The following DYNC1I1 variants were observed in gnomAD, a reference collection of about 807,000 sequenced individuals.
The protein encoded by DYNC1I1 is cytoplasmic dynein 1 intermediate chain 1.
A neutral mutation model predicts 86.6 loss-of-function variants in DYNC1I1; 43 were observed. The ratio of observed to expected loss-of-function variants is 0.50; its 90% CI spans 0.39 to 0.64. The LOEUF (loss-of-function observed/expected upper bound fraction) is 0.64, where lower values mean the gene tolerates loss of function less well. Among genes scored for constraint, DYNC1I1 ranks in the 30% least tolerant of loss-of-function variants. The pLI, the probability that DYNC1I1 is intolerant of heterozygous loss-of-function variation, is 0.00. For synonymous variants in DYNC1I1, 262 were observed against 283.7 expected, an observed-to-expected ratio of 0.92 and a Z score of 0.77; for missense variants, 604 against 788.8, an observed-to-expected ratio of 0.77 and a Z score of 2.81.
At chr7:96,079,237 C>G (rs1790438524) in intron 15 of DYNC1I1, among the ~76,000 whole-genome samples, 2 of 152,094 alleles carry the variant, frequency 1.3e-5, no homozygotes, top group Admixed American at 1.3e-4. Flanking sequence ...TGCTAAGCCA[C>G]AGTACATGTT....
At chr7:95,829,188 G>A (rs796338834) in intron 5 of DYNC1I1, among the ~76,000 whole-genome samples, 4 of 151,990 alleles carry the variant, frequency 2.6e-5, no homozygotes, top group African/African-American at 9.7e-5. Context: ...CTGAGGTTCT[G>A]TCAGTTTCAA....
intron 6 of DYNC1I1, among the ~76,000 whole-genome samples, chr7:95,907,068 C>T (rs1439504077): frequency 6.6e-6 from 1 of 152,186 alleles, no homozygotes; most frequent in Non-Finnish European, 1.5e-5. Flanking sequence ...AGCAGCTGTG[C>T]TTTCTCAGCT....
At chr7:95,955,160 G>A (rs1792676420) in intron 6 of DYNC1I1, among the ~76,000 whole-genome samples, 1 of 152,112 alleles carries the variant, frequency 6.6e-6, no homozygotes, top group African/African-American at 2.4e-5. Context: ...TGATAAGTAT[G>A]TGAGGTGATG....
chr7:96,017,174 C>T (rs1279376650), intron 10 of DYNC1I1, among the ~76,000 whole-genome samples: 2 of 152,190 alleles, frequency 1.3e-5, no homozygotes, highest in African/African-American at 4.8e-5. Flanking sequence ...TGGATGTCAA[C>T]ACACACCATA....
intron 9 of DYNC1I1, among the ~76,000 whole-genome samples, chr7:95,990,432 T>G (rs1266422553): frequency 6.6e-6 from 1 of 152,144 alleles, no homozygotes; most frequent in African/African-American, 2.4e-5. Context: ...GCAAAAAGAT[T>G]ACTATTGACA....
At chr7:95,925,375 T>C (rs1311974216) in intron 6 of DYNC1I1, among the ~76,000 whole-genome samples, 1 of 152,200 alleles carries the variant, frequency 6.6e-6, no homozygotes, top group Non-Finnish European at 1.5e-5. Flanking sequence ...TTGGAAATGA[T>C]TGAGGCATTG....
chr7:96,055,404 A>G (rs941229412), intron 14 of DYNC1I1, among the ~76,000 whole-genome samples: 1 of 152,214 alleles, frequency 6.6e-6, no homozygotes, highest in African/African-American at 2.4e-5. Flanking sequence ...AACTTAAAGT[A>G]TAATAAAAAA....
intron 10 of DYNC1I1, among the ~76,000 whole-genome samples, chr7:96,024,421 C>A (rs185046709): frequency 6.6e-6 from 1 of 151,860 alleles, no homozygotes; most frequent in Non-Finnish European, 1.5e-5. Context: ...AAAGGCCATA[C>A]GTTATTTTTC....
intron 14 of DYNC1I1, among the ~76,000 whole-genome samples, chr7:96,058,101 C>G (rs1458347326): frequency 1.3e-5 from 2 of 152,148 alleles, no homozygotes; most frequent in Non-Finnish European, 2.9e-5. Context: ...GTTATCATTG[C>G]AAAACATGCA....
At chr7:95,837,400 A>G (rs1287224042) in intron 5 of DYNC1I1, among the ~76,000 whole-genome samples, 13 of 152,118 alleles carry the variant, frequency 8.5e-5, no homozygotes, top group African/African-American at 1.4e-4. Flanking sequence ...TTAAGTCTGC[A>G]GAGGTTACTG....
At chr7:96,089,904 C>G (rs1790791094) in intron 16 of DYNC1I1, among the ~76,000 whole-genome samples, 1 of 152,092 alleles carries the variant, frequency 6.6e-6, no homozygotes, top group Non-Finnish European at 1.5e-5. Flanking sequence ...TTAATAATAT[C>G]AAGAAAAGAA....
At chr7:95,888,773 G>A (rs2116257872) in intron 6 of DYNC1I1, among the ~76,000 whole-genome samples, 1 of 152,304 alleles carries the variant, frequency 6.6e-6, no homozygotes, top group South Asian at 2.1e-4. Context: ...ACATGACTTA[G>A]TAGCTGTTCG....
intron 6 of DYNC1I1, among the ~76,000 whole-genome samples, chr7:95,971,772 T>C (rs1471615546): frequency 6.6e-6 from 1 of 152,218 alleles, no homozygotes; most frequent in Non-Finnish European, 1.5e-5. Context: ...TTGCAGTCAT[T>C]GGCCCATTCA....
At chr7:96,076,236 AG>A in intron 15 of DYNC1I1, 39 bp downstream of exon 15, 10 of 1,607,436 alleles carry the variant, frequency 6.2e-6, no homozygotes, top group African/African-American at 1.3e-5. Context: ...GAGGGCTGGG[AG>A]GGGGGCGCAG....
chr7:96,003,211 G>A (rs998885006), intron 10 of DYNC1I1, among the ~76,000 whole-genome samples: 2 of 152,182 alleles, frequency 1.3e-5, no homozygotes, highest in African/African-American at 4.8e-5. Context: ...CTGTTATTGT[G>A]CTTTTGCCAC....
At position 96,058,572 on chromosome 7, in the gene DYNC1I1, C is replaced by G. The variant is rs552739278; in HGVS notation, c.1510-17485C>G. Among the ~76,000 whole-genome samples, 148 of 152,248 alleles carry G rather than the reference C, an allele frequency of 9.7e-4. 1 individual carries two copies. The South Asian group carries it at 0.029, about 30-fold the overall frequency. Reference sequence around the variant, plus strand: ...AGTGACAAGGGCAGACAAAACCCCCCCGACTTCACAAACTGTTTATTCTGG... The same window carrying G: ...AGTGACAAGGGCAGACAAAACCCCCGCGACTTCACAAACTGTTTATTCTGG... On this transcript the variant is annotated intron_variant, in intron 14 of 16. Coordinates refer to ENST00000447467, the MANE Select transcript of DYNC1I1 (RefSeq NM_001135556.2).
Position 96,010,922 on chromosome 7 carries a change from C to A in DYNC1I1, c.969+14849C>A, listed in dbSNP as rs541511242. Among the ~76,000 whole-genome samples, 4 of 152,298 alleles carry A rather than the reference C, an allele frequency of 2.6e-5. No individual in the cohort carries two copies. The East Asian group carries it at 7.7e-4, about 29-fold the overall frequency. ...TTAAAATAGTCTTCCAGATGTGTGA[C>A]AACTTTGAGCTTAGCTACAGCCATT... On this transcript the variant is annotated intron_variant, in intron 10 of 16. Transcript: ENST00000447467.
At chr7:96,081,818 G>A (rs42080) in intron 16 of DYNC1I1, among the ~76,000 whole-genome samples, 133,488 of 152,136 alleles carry the variant, frequency 0.88, 58,719 homozygotes, top group East Asian at 0.98. Flanking sequence ...GATTATGTTG[G>A]AACAAGCTAG....
In DYNC1I1 at chr7:95,995,951, C is replaced by T; in HGVS notation, c.847C>T (p.Pro283Ser). 2 of 1,600,126 alleles carry T rather than the reference C, an allele frequency of 1.2e-6. No individual in the cohort carries two copies. Among genetic ancestry groups the T allele is most frequent in the South Asian group, 2.3e-5 (2 of 88,068 alleles). The change falls in exon 10 of 17, where the codon CCT becomes TCT. Residue 283 changes from proline (P) to serine (S), a missense_variant. Physicochemically the swap from Pro to Ser is moderately conservative, Grantham distance 74. Coordinates refer to ENST00000447467, the MANE Select transcript of DYNC1I1 (RefSeq NM_001135556.2). ...VTCMDWSLQY[P>S]ELMVASYNNN... is the part of the protein sequence containing the mutation. The stretch of plus-strand genomic sequence containing the variant: ...CCTTGTGACCTCTTCCATTTAGTAC[C>T]CTGAGCTGATGGTGGCTTCTTACAA...
Sources: gnomAD v4.1 joint callset for allele counts (sites outside exome capture counted in the v4.1 genomes callset) on GRCh38, gnomAD v4.1.1 for gene constraint, MANE v1.5 for transcripts, NCBI Gene and HGNC (gene_info 2026-07-23, HGNC 2026-07-21) for gene names.